Variants in PLEKHG4 observed in about 807,000 individuals in gnomAD.
PLEKHG4 encodes the protein puratrophin-1.
In PLEKHG4, 85 loss-of-function variants were observed where a neutral mutation model predicts 136.9. The ratio of observed to expected loss-of-function variants is 0.62; its 90% confidence interval spans 0.52 to 0.74. PLEKHG4 has a LOEUF of 0.74. PLEKHG4 is among the 30% of genes least tolerant of loss of function. The pLI is 0.00. For synonymous variants in PLEKHG4, 577 were observed against 646.9 expected (o/e 0.89, Z 1.64); for missense variants, 1,317 against 1,527.8 (o/e 0.86, Z 2.30).
intron 18 of PLEKHG4, 194 bp from the exon 19 acceptor site, chr16:67,287,704 C>G: frequency 1.5e-6 from 1 of 649,528 alleles, no homozygotes; most frequent in African/African-American, 1.8e-5. Flanking sequence ...GGGGCCTCAT[C>G]TTTAAAAGGG....
At chr16:67,281,266 C>G in intron 5 of PLEKHG4, 82 bp downstream of exon 5, 3 of 1,106,530 alleles carry the variant, frequency 2.7e-6, no homozygotes, top group Non-Finnish European at 4.1e-6. Context: ...CTTTGTCGCC[C>G]AGGCTGGAGT....
chr16:67,285,449 G>A lies in PLEKHG4; in HGVS notation c.2355G>A (p.Leu785=). 1.2e-6 allele frequency: 2 copies of A among 1,614,140 alleles called. No individual in the cohort carries two copies. Among genetic ancestry groups the A allele is most frequent in the Middle Eastern group, 1.6e-4 (1 of 6,062 alleles). Residue 785 remains leucine (L), a synonymous_variant, in exon 14 of 22, where the codon CTG becomes CTA. Transcript: ENST00000379344. Reference sequence around the variant, plus strand: ...ACCTCTTTGGCAACCTGGAGAAGCTGCGGGACTTCCACTGCCACTTCTTCC... The same window carrying A: ...ACCTCTTTGGCAACCTGGAGAAGCTACGGGACTTCCACTGCCACTTCTTCC... The part of the protein sequence containing the change: ...RAHLFGNLEK[L]RDFHCHFFLR...
intron 18 of PLEKHG4, 57 bp downstream of exon 18, chr16:67,287,234 C>T (rs2036519911): frequency 1.9e-6 from 3 of 1,544,892 alleles, no homozygotes; most frequent in Middle Eastern, 2.1e-4. Flanking sequence ...CTTACATTGA[C>T]CCACAGGAGC....
chr16:67,288,126 A>ATCTGGGGCCAGGCTG, intron 19 of PLEKHG4, 41 bp from the exon 20 acceptor site: 1 of 1,574,666 alleles, frequency 6.4e-7, no homozygotes, highest in Non-Finnish European at 8.7e-7. Flanking sequence ...GGGCCAGGCT[A>ATCTGGGGCCAGGCTG]GGCTCTGGCC....
intron 16 of PLEKHG4, 32 bp downstream of exon 16, chr16:67,286,698 TGAA>T (rs766734156): frequency 6.3e-6 from 10 of 1,595,272 alleles, no homozygotes; most frequent in East Asian, 2.3e-5. Flanking sequence ...GCAGTGGGTG[TGAA>T]GAAGAAGGCA....
At position 67,287,935 on chromosome 16, in the gene PLEKHG4, G is replaced by T; in HGVS notation, c.3141G>T (p.Gly1047=). Residue 1047 remains glycine, a synonymous_variant, in exon 19 of 22, where the codon GGG becomes GGT. Transcript: ENST00000379344. The part of the protein sequence containing the change: ...RMAEMVSMGV[G]NKAFRDIAPS... ...CTGAGATGGTGTCCATGGGTGTGGG[G>T]AACAAGGCCTTCCGAGACATTGCTC... 1.2e-6 allele frequency: 2 copies of T among 1,613,908 alleles called. No homozygotes were observed. The highest frequency in any genetic ancestry group is 2.2e-5 in the South Asian group (2 of 91,066).
In PLEKHG4 at chr16:67,279,916, ACCT is replaced by A. The variant is rs1244024765; in HGVS notation, c.-125_-123del. ...CCTGTGCCCTGGCACTAAGACTGGC[ACCT>A]CCTGCGGCCCATGCCCTTCGCCTGC... is the stretch of plus-strand genomic sequence containing the variant. On this transcript the variant is annotated 5_prime_UTR_variant, in exon 2 of 22. Transcript: ENST00000379344. The A allele has an allele frequency of 1.1e-6, 1 of 889,774 alleles. No individual in the cohort carries two copies. The highest frequency in any genetic ancestry group is 1.7e-5 in the African/African-American group (1 of 59,606). 55.1% of individuals were successfully genotyped at this position (889,774 alleles called of 1,614,324 possible). A position where few individuals can be genotyped will look rare whatever the true frequency, so the allele number is the denominator to read the frequency against.
chr16:67,285,455 C>T lies in PLEKHG4; in HGVS notation c.2361C>T (p.Asp787=). ...TTGGCAACCTGGAGAAGCTGCGGGA[C>T]TTCCACTGCCACTTCTTCCTGCGTG... is the stretch of plus-strand genomic sequence containing the variant. ...HLFGNLEKLR[D]FHCHFFLREL... Residue 787 remains aspartate (D), a synonymous_variant, in exon 14 of 22, where the codon GAC becomes GAT. Coordinates refer to ENST00000379344, the MANE Select transcript of PLEKHG4 (RefSeq NM_001129729.3). 6.2e-7 allele frequency: 1 copy of T among 1,614,140 alleles called. No individual in the cohort carries two copies. Among genetic ancestry groups the T allele is most frequent in the Non-Finnish European group, 8.5e-7 (1 of 1,180,046 alleles).
intron 14 of PLEKHG4, among the ~76,000 whole-genome samples, chr16:67,285,892 T>G (rs1374879976): frequency 6.6e-6 from 1 of 151,674 alleles, no homozygotes; most frequent in Non-Finnish European, 1.5e-5. Context: ...CTGGAGTGAG[T>G]GTCCCACCCA....
rs2036171114 is a variant in PLEKHG4 at position 67,280,686 on chromosome 16, G to C, written c.500-25G>C. On this transcript the variant is annotated intron_variant, in intron 2 of 21. Coordinates refer to ENST00000379344, the MANE Select transcript of PLEKHG4 (RefSeq NM_001129729.3). This position sits in a 1 kb window ranked among gnomAD's most constrained non-coding sequence, Gnocchi z 4.4. ...GTCTCTGGATAGGTGGTCCAAGGCA[G>C]ACCCAAGTCATTTCCCTTCCCAAGC... 1.9e-6 allele frequency: 3 copies of C among 1,613,888 alleles called. No individual in the cohort carries two copies. Among genetic ancestry groups the C allele is most frequent in the South Asian group, 1.1e-5 (1 of 91,088 alleles).
chr16:67,283,338 A>G (rs2036315849), intron 11 of PLEKHG4, among the ~76,000 whole-genome samples: 1 of 152,184 alleles, frequency 6.6e-6, no homozygotes, highest in African/African-American at 2.4e-5. Flanking sequence ...AAGCCTGGTC[A>G]GTGGCCACAT....
chr16:67,279,343 C>G (rs1317973886), upstream of PLEKHG4: 2 of 152,010 alleles, frequency 1.3e-5, no homozygotes, highest in African/African-American at 4.8e-5. Context: ...TCCGGGCCCA[C>G]GGAGAGGACG....
Position 67,281,728 on chromosome 16 carries a change from A to G in PLEKHG4, c.896A>G (p.Glu299Gly). Residue 299 changes from glutamate (E) to glycine (G), a missense_variant, in exon 7 of 22, where the codon GAG becomes GGG. By Grantham distance (98) the Glu-to-Gly change is moderately conservative. Coordinates refer to ENST00000379344, the MANE Select transcript of PLEKHG4 (RefSeq NM_001129729.3). ...CAACACCTTCTTCTCCTGTAGCTGGAGCAGTTGCCTTCTCAGAGCCTGCTG... is the reference window on the plus strand; with the variant it reads ...CAACACCTTCTTCTCCTGTAGCTGGGGCAGTTGCCTTCTCAGAGCCTGCTG... ...LKEVPSGLQL[E>G]QLPSQSLLTH... is the part of the protein sequence containing the mutation. 1 of 1,614,062 alleles carries G rather than the reference A, an allele frequency of 6.2e-7. No homozygotes were observed. Among genetic ancestry groups the G allele is most frequent in the South Asian group, 1.1e-5 (1 of 91,080 alleles).
In PLEKHG4 at chr16:67,288,989, T is replaced by C. The variant is rs539248038; in HGVS notation, c.*181T>C. 1.4e-6 allele frequency: 1 copy of C among 733,520 alleles called. No individual in the cohort carries two copies. Among genetic ancestry groups the C allele is most frequent in the South Asian group, 1.5e-5 (1 of 64,624 alleles). 45.4% of individuals were successfully genotyped at this position (733,520 alleles called of 1,614,324 possible). On this transcript the variant is annotated 3_prime_UTR_variant, in exon 22 of 22. Transcript: ENST00000379344. The stretch of plus-strand genomic sequence containing the variant: ...TGGACTAACTGGCACGGGGCCTCTC[T>C]AGGGAAGTCTGGTTGTAGAGCCTGA...
Position 67,288,276 on chromosome 16 carries a change from G to T in PLEKHG4, c.3330G>T (p.Gly1110=). ...ACCCTGCCTCTTGCTCTGTTCTGGG[G>T]TCCCTCAACCTGCACCTGTACAGAG... ...PGDPASCSVL[G]SLNLHLYRDP... Residue 1110 remains glycine (G), a synonymous_variant, in exon 20 of 22, where the codon GGG becomes GGT. Transcript: ENST00000379344. 6.2e-7 allele frequency: 1 copy of T among 1,613,364 alleles called. No homozygotes were observed. The highest frequency in any genetic ancestry group is 8.5e-7 in the Non-Finnish European group (1 of 1,179,966).
upstream of PLEKHG4, chr16:67,279,320 G>T: frequency 6.6e-6 from 1 of 152,244 alleles, no homozygotes; most frequent in South Asian, 1.9e-4. Context: ...GGCGGGGCGG[G>T]GCTGGCGGGC....
chr16:67,285,044 C>T lies in PLEKHG4; in HGVS notation c.2024C>T (p.Ala675Val), dbSNP rs764700115. ...AAPAHPPLRK[A>V]YSFDRNLGQS... Reference sequence around the variant, plus strand: ...CCTGCCCACCCTCCCCTGAGGAAGGCCTACAGCTTCGATCGGAATCTGGGG... The same window carrying T: ...CCTGCCCACCCTCCCCTGAGGAAGGTCTACAGCTTCGATCGGAATCTGGGG... Residue 675 changes from alanine (A) to valine (V), a missense_variant, in exon 13 of 22, where the codon GCC (alanine) becomes GTC (valine). By Grantham distance (64) the Ala-to-Val change is moderately conservative. Coordinates refer to ENST00000379344, the MANE Select transcript of PLEKHG4 (RefSeq NM_001129729.3). The T allele has an allele frequency of 9.9e-6, 16 of 1,613,608 alleles. No individual in the cohort carries two copies. Among genetic ancestry groups the T allele is most frequent in the Non-Finnish European group, 1.4e-5 (16 of 1,180,004 alleles).
upstream of PLEKHG4, chr16:67,278,889 G>C (rs1204914831): frequency 6.6e-6 from 1 of 152,546 alleles, no homozygotes; most frequent in African/African-American, 2.4e-5. Flanking sequence ...GGGGGTAAGG[G>C]GGTGCCAGGG....
In PLEKHG4 at chr16:67,280,803, C is replaced by T; in HGVS notation, c.592C>T (p.Pro198Ser). The T allele has an allele frequency of 6.2e-7, 1 of 1,613,994 alleles. No homozygotes were observed. Among genetic ancestry groups the T allele is most frequent in the Non-Finnish European group, 8.5e-7 (1 of 1,180,024 alleles). Reference sequence around the variant, plus strand: ...GCTGGCCAGTGGTATGGCCACCTTGCCAGGTAGCCAGGCGGGCCTAGAGGC... The same window carrying T: ...GCTGGCCAGTGGTATGGCCACCTTGTCAGGTAGCCAGGCGGGCCTAGAGGC... ...ELLASGMATL[P>S]GTRDVQGRAV... Residue 198 changes from proline (P) to serine (S), a missense_variant, in exon 3 of 22, where the codon CCA becomes TCA. Transcript: ENST00000379344. The surrounding 1 kb of genome is among the most constrained non-coding windows in gnomAD (Gnocchi z 4.4).
Sources: gnomAD v4.1 joint callset for allele counts (sites outside exome capture counted in the v4.1 genomes callset) on GRCh38, gnomAD v4.1.1 for gene constraint, Gnocchi (gnomAD v3.1) non-coding constraint, MANE v1.5 for transcripts, NCBI Gene and HGNC (gene_info 2026-07-23, HGNC 2026-07-21) for gene names.